NCALD: variants seen among roughly 807,000 people sequenced by gnomAD.
NCALD encodes the protein neurocalcin delta.
NCALD carries 10 observed loss-of-function variants against 18.6 expected under a neutral mutation model. That is an observed-to-expected ratio of 0.54 (90% CI 0.33 to 0.91). NCALD has a LOEUF of 0.91. Among genes scored for constraint, NCALD ranks in the 40% least tolerant of loss-of-function variants. The probability of loss-of-function intolerance (pLI) is 0.03; values close to 1 mark genes in which losing one functional copy is unlikely to be tolerated. For synonymous variants in NCALD, 88 were observed against 87.4 expected (o/e 1.01, Z -0.04); for missense variants, 184 against 247.6 (o/e 0.74, Z 1.72).
intron 4 of NCALD, among the ~76,000 whole-genome samples, chr8:101,880,313 A>AGCCCAC (rs1335482193): frequency 6.6e-6 from 1 of 152,150 alleles, no homozygotes; most frequent in African/African-American, 2.4e-5. Flanking sequence ...ACTGAGCCCG[A>AGCCCAC]GCCCACGCCC....
At chr8:102,004,504 T>A (rs1208255583) in intron 2 of NCALD, among the ~76,000 whole-genome samples, 3 of 152,204 alleles carry the variant, frequency 2.0e-5, no homozygotes, top group African/African-American at 7.2e-5. Context: ...ACCAATGACT[T>A]TCTTCACAGA....
At chr8:101,921,618 C>T (rs1240932691) in intron 2 of NCALD, among the ~76,000 whole-genome samples, 1 of 152,050 alleles carries the variant, frequency 6.6e-6, no homozygotes, top group Non-Finnish European at 1.5e-5. Flanking sequence ...TCCCTTTAAA[C>T]ATAGACTAGA....
chr8:101,691,217 C>G (rs1179500374), intron 3 of NCALD: 4 of 985,290 alleles, frequency 4.1e-6, no homozygotes, highest in Non-Finnish European at 4.8e-6. Flanking sequence ...TGTGAACTTA[C>G]AGCCCCTCTT....
At chr8:101,815,168 T>C (rs1401049035) in intron 4 of NCALD, among the ~76,000 whole-genome samples, 1 of 152,110 alleles carries the variant, frequency 6.6e-6, no homozygotes, top group Non-Finnish European at 1.5e-5. Flanking sequence ...CAGCCAACAT[T>C]GAAGGAGAAG....
chr8:101,817,701 C>T (rs1813555174), intron 4 of NCALD, among the ~76,000 whole-genome samples: 1 of 152,150 alleles, frequency 6.6e-6, no homozygotes, highest in Non-Finnish European at 1.5e-5. Context: ...GCATCCCATT[C>T]ACTGCCCAGC....
At chr8:102,037,986 G>T (rs1049490817) in intron 1 of NCALD, among the ~76,000 whole-genome samples, 1 of 152,066 alleles carries the variant, frequency 6.6e-6, no homozygotes, top group Non-Finnish European at 1.5e-5. Context: ...ATCCAAATAA[G>T]GTGTCTTTAT....
chr8:101,977,654 G>A lies in NCALD; in HGVS notation c.-157+42583C>T, dbSNP rs771330304. On this transcript the variant is annotated intron_variant, in intron 2 of 6. Transcript: ENST00000311028. Reference sequence around the variant, plus strand: ...ACACTCAAGGACAACTCCACCATCCGTCCTTCCAGGTGCACCCACTCTGCC... The same window carrying A: ...ACACTCAAGGACAACTCCACCATCCATCCTTCCAGGTGCACCCACTCTGCC... Among the ~76,000 whole-genome samples the A allele has an allele frequency of 7.2e-5, 11 of 152,210 alleles. No individual in the cohort carries two copies. The East Asian group carries it at 1.2e-3, about 16-fold the overall frequency.
chr8:102,123,808 G>GCCCCGGC (rs1826018813), intron 1 of NCALD: 1 of 151,158 alleles, frequency 6.6e-6, no homozygotes, highest in Non-Finnish European at 1.5e-5. Context: ...TCCAGCGGGT[G>GCCCCGGC]CCCCGGCCCC....
chr8:101,924,905 T>A (rs1818285709), intron 2 of NCALD, among the ~76,000 whole-genome samples: 1 of 152,202 alleles, frequency 6.6e-6, no homozygotes, highest in African/African-American at 2.4e-5. Flanking sequence ...GATTCAGGCT[T>A]CCCTTAAAGG....
chr8:102,062,487 T>G (rs1331160574), intron 1 of NCALD, among the ~76,000 whole-genome samples: 1 of 152,248 alleles, frequency 6.6e-6, no homozygotes, highest in Non-Finnish European at 1.5e-5. Flanking sequence ...CCACAATGAC[T>G]AGCACATAGT....
At chr8:101,727,982 T>A (rs1257246334) in intron 1 of NCALD, among the ~76,000 whole-genome samples, 1 of 152,246 alleles carries the variant, frequency 6.6e-6, no homozygotes, top group Non-Finnish European at 1.5e-5. Flanking sequence ...CTCAACTTAT[T>A]TTGGGTCACA....
chr8:101,736,593 C>T (rs1183408345), intron 1 of NCALD, among the ~76,000 whole-genome samples: 1 of 152,150 alleles, frequency 6.6e-6, no homozygotes, highest in East Asian at 1.9e-4. Context: ...ACAAAAACAC[C>T]ACTTTCCAGG....
At chr8:101,747,651 A>T (rs1460037003) in intron 1 of NCALD, among the ~76,000 whole-genome samples, 2 of 152,074 alleles carry the variant, frequency 1.3e-5, no homozygotes, top group Non-Finnish European at 2.9e-5. Flanking sequence ...GCACTTCCCT[A>T]CAGATTATCT....
At chr8:102,089,779 TAGA>T (rs1350503390) in intron 1 of NCALD, among the ~76,000 whole-genome samples, 1 of 152,212 alleles carries the variant, frequency 6.6e-6, no homozygotes, top group African/African-American at 2.4e-5. Context: ...AAACAAGTTG[TAGA>T]AGGTTTGTGA....
intron 4 of NCALD, among the ~76,000 whole-genome samples, chr8:101,815,102 G>A (rs1813442880): frequency 6.6e-6 from 1 of 152,038 alleles, no homozygotes; most frequent in Non-Finnish European, 1.5e-5. Context: ...TTATTTAGTG[G>A]ATATTGACAA....
At chr8:101,943,784 C>CA (rs1330524599) in intron 2 of NCALD, among the ~76,000 whole-genome samples, 2 of 151,742 alleles carry the variant, frequency 1.3e-5, no homozygotes, top group African/African-American at 4.8e-5. Context: ...ACTAAAAATA[C>CA]AAAAAAATTA....
intron 1 of NCALD, among the ~76,000 whole-genome samples, chr8:101,749,217 T>G (rs2130759725): frequency 6.6e-6 from 1 of 152,352 alleles, no homozygotes; most frequent in South Asian, 2.1e-4. Flanking sequence ...TGTCTTTTTC[T>G]TTTAAAACAA....
intron 4 of NCALD, among the ~76,000 whole-genome samples, chr8:101,878,751 A>G (rs1369719234): frequency 6.6e-6 from 1 of 152,206 alleles, no homozygotes; most frequent in African/African-American, 2.4e-5. Context: ...ATTTTCTGTT[A>G]TAAGTAAAGT....
intron 2 of NCALD, among the ~76,000 whole-genome samples, chr8:101,717,381 G>C (rs1310689309): frequency 6.6e-6 from 1 of 152,118 alleles, no homozygotes; most frequent in Non-Finnish European, 1.5e-5. Flanking sequence ...TCTTCACCCT[G>C]ACCAGTTACT....
Sources: allele counts gnomAD v4.1 joint callset (sites outside exome capture counted in the v4.1 genomes callset), GRCh38; gene constraint gnomAD v4.1.1; transcripts MANE v1.5; gene names NCBI Gene and HGNC (gene_info 2026-07-23, HGNC 2026-07-21).